Variants in SAMSN1 observed in about 807,000 individuals in gnomAD.
The protein encoded by SAMSN1 is SAM domain-containing protein SAMSN-1.
In SAMSN1, 31 loss-of-function variants were observed where a neutral mutation model predicts 42.0. The ratio of observed to expected loss-of-function variants is 0.74; its 90% CI spans 0.55 to 1.00. The LOEUF (loss-of-function observed/expected upper bound fraction) is 1.00, where lower values mean the gene tolerates loss of function less well. Ranked by LOEUF, SAMSN1 falls within the 50% of genes least tolerant of loss-of-function variation. SAMSN1 has a pLI of 0.00. For missense variants in SAMSN1, 464 were observed against 439.4 expected (o/e 1.06, Z -0.50); for synonymous variants, 178 against 151.9 (o/e 1.17, Z -1.26).
chr21:14,619,747 C>A, intron 2 of SAMSN1: 1 of 220,936 alleles, frequency 4.5e-6, no homozygotes, highest in African/African-American at 2.3e-5. Context: ...TGGCATAAAC[C>A]TTCAGAAATG....
chr21:14,644,613 G>A (rs187718579), intron 1 of SAMSN1, among the ~76,000 whole-genome samples: 1 of 152,234 alleles, frequency 6.6e-6, no homozygotes, highest in Non-Finnish European at 1.5e-5. Context: ...TGGCTACAGA[G>A]GAAAACTTCT....
intron 5 of SAMSN1, among the ~76,000 whole-genome samples, chr21:14,607,362 T>C (rs1267173698): frequency 6.6e-6 from 1 of 152,210 alleles, no homozygotes; most frequent in Non-Finnish European, 1.5e-5. Context: ...ATGAAACCAC[T>C]ATACCCATAA....
At chr21:14,617,960 C>T (rs771497653) in intron 2 of SAMSN1, among the ~76,000 whole-genome samples, 4 of 152,224 alleles carry the variant, frequency 2.6e-5, no homozygotes, top group Non-Finnish European at 4.4e-5. Flanking sequence ...AAAGCTTAAA[C>T]ACTTGTAACA....
chr21:14,572,286 G>A (rs960282566), intron 2 of SAMSN1, among the ~76,000 whole-genome samples: 2 of 152,088 alleles, frequency 1.3e-5, no homozygotes, highest in African/African-American at 4.8e-5. Context: ...ATTCCACAAA[G>A]AAATCTTTGT....
chr21:14,534,515 A>C (rs907997458), intron 1 of SAMSN1, among the ~76,000 whole-genome samples: 24 of 115,320 alleles, frequency 2.1e-4, no homozygotes, highest in African/African-American at 1.0e-3. Context: ...GGAGGGAGAG[A>C]CTTTTTTTCT....
upstream of SAMSN1, among the ~76,000 whole-genome samples, chr21:14,550,319 A>G (rs1980556270): frequency 6.6e-6 from 1 of 152,036 alleles, no homozygotes; most frequent in Admixed American, 6.6e-5. Flanking sequence ...AGCCCTACCC[A>G]GCTCTTGAAA....
intron 3 of SAMSN1, among the ~76,000 whole-genome samples, chr21:14,515,265 A>G (rs762895287): frequency 1.3e-5 from 2 of 152,218 alleles, no homozygotes; most frequent in Non-Finnish European, 2.9e-5. Flanking sequence ...GAGAATGGAC[A>G]TAAGACATAA....
chr21:14,486,405 T>C (rs1030907890), intron 7 of SAMSN1, among the ~76,000 whole-genome samples: 1 of 152,156 alleles, frequency 6.6e-6, no homozygotes, highest in African/African-American at 2.4e-5. Flanking sequence ...TGGACTCTCA[T>C]TTTACATTAA....
intron 2 of SAMSN1, among the ~76,000 whole-genome samples, chr21:14,633,196 T>TAC (rs1174071011): frequency 2.0e-5 from 3 of 151,572 alleles, no homozygotes; most frequent in Non-Finnish European, 3.0e-5. Context: ...TCTCTCTCTC[T>TAC]ACACACACAC....
At chr21:14,492,799 G>A (rs980510069) in intron 7 of SAMSN1, among the ~76,000 whole-genome samples, 1 of 152,178 alleles carries the variant, frequency 6.6e-6, no homozygotes, top group Non-Finnish European at 1.5e-5. Flanking sequence ...AAATTAAATT[G>A]CATGAGGGCA....
chr21:14,611,199 A>G (rs969300232), intron 4 of SAMSN1, among the ~76,000 whole-genome samples: 2 of 152,176 alleles, frequency 1.3e-5, no homozygotes, highest in African/African-American at 4.8e-5. Context: ...TAACAAACTA[A>G]TTGTGTAGAA....
rs80081513 is a variant in SAMSN1, at chr21:14,629,061, G to A, written c.157-13045C>T. Among the ~76,000 whole-genome samples the A allele has an allele frequency of 9.3e-3, 1,415 of 152,172 alleles. 27 individuals carry two copies. The highest frequency in any genetic ancestry group is 0.033 in the African/African-American group (1,355 of 41,510). ...CCTGATACTACTTCTATGCTTGACG[G>A]CATAGATCCAAAATCTACTGATCAT... On this transcript the variant is annotated intron_variant, in intron 2 of 15. Coordinates refer to the SAMSN1 transcript ENST00000647101.
intron 2 of SAMSN1, among the ~76,000 whole-genome samples, chr21:14,580,806 G>A (rs189690282): frequency 1.4e-3 from 206 of 152,260 alleles, no homozygotes; most frequent in African/African-American, 4.5e-3. Context: ...TTCTGTCTAA[G>A]AAGAGACTGA....
rs1981120980 is a variant in SAMSN1 at position 14,566,489 on chromosome 21, AG to A, written c.261+15646del. Among the ~76,000 whole-genome samples the A allele has an allele frequency of 3.9e-5, 6 of 152,198 alleles. No homozygotes were observed. In the South Asian group the frequency reaches 1.2e-3, roughly 32 times the overall value. ...TACTGCATTTTACAAAGGTAAAGGC[AG>A]GGGGAGGTTGGCCCATAAAAAAATC... On this transcript the variant is annotated intron_variant, in intron 2 of 8. Coordinates refer to the SAMSN1 transcript ENST00000285670.
At chr21:14,557,332 C>CA (rs1472217486) in intron 2 of SAMSN1, among the ~76,000 whole-genome samples, 3 of 152,136 alleles carry the variant, frequency 2.0e-5, no homozygotes, top group African/African-American at 7.2e-5. Context: ...TTAAATTGTG[C>CA]AAAATGTATA....
At chr21:14,550,416 T>G (rs1370645689), upstream of SAMSN1, among the ~76,000 whole-genome samples, 1 of 152,070 alleles carries the variant, frequency 6.6e-6, no homozygotes. Flanking sequence ...GACAAGCTCA[T>G]GTTTTGGGGA....
intron 2 of SAMSN1, among the ~76,000 whole-genome samples, chr21:14,555,042 G>A (rs1169770463): frequency 6.6e-6 from 1 of 152,128 alleles, no homozygotes; most frequent in Non-Finnish European, 1.5e-5. Context: ...AGTTTCTGGA[G>A]TTCTTTTCTT....
chr21:14,486,734 A>G (rs1300112818), intron 7 of SAMSN1, among the ~76,000 whole-genome samples: 2 of 152,218 alleles, frequency 1.3e-5, no homozygotes, highest in Non-Finnish European at 2.9e-5. Flanking sequence ...GTAAAACACC[A>G]AAATTTCCAC....
Position 14,523,915 on chromosome 21 carries a change from A to C in SAMSN1, c.58-2694T>G, listed in dbSNP as rs554428215. ...AGTCGTGGTTTAAGAAGGACACTGG[A>C]CTATTACTTTGGGTTTTGTCAGTCA... is the stretch of plus-strand genomic sequence containing the variant. On this transcript the variant is annotated intron_variant, in intron 1 of 7. Transcript: ENST00000400566. 6.6e-5 allele frequency among the ~76,000 whole-genome samples: 10 copies of C among 152,302 alleles called. No individual in the cohort carries two copies. In the East Asian group the frequency reaches 9.6e-4, roughly 15 times the overall value.
Sources: gnomAD v4.1 joint callset for allele counts (sites outside exome capture counted in the v4.1 genomes callset) on GRCh38, gnomAD v4.1.1 for gene constraint, MANE v1.5 for transcripts, NCBI Gene and HGNC (gene_info 2026-07-23, HGNC 2026-07-21) for gene names.